The following PCDH9 variants were observed in gnomAD, a reference collection of about 807,000 sequenced individuals.
The protein encoded by PCDH9 is protocadherin 9, also known as protocadherin-9.
Under a neutral mutation model 70.6 loss-of-function variants are expected in PCDH9, and 24 were observed. The ratio of observed to expected loss-of-function variants is 0.34; its 90% CI spans 0.25 to 0.48. The LOEUF (loss-of-function observed/expected upper bound fraction) is 0.48, where lower values mean the gene tolerates loss of function less well. Ranked by LOEUF, PCDH9 falls within the 20% of genes least tolerant of loss-of-function variation. The pLI, the probability that PCDH9 is intolerant of heterozygous loss-of-function variation, is 0.99. For missense variants in PCDH9, 1,281 were observed against 1,503.6 expected (o/e 0.85, Z 2.45); for synonymous variants, 562 against 558.5 (o/e 1.01, Z -0.09).
intron 2 of PCDH9, among the ~76,000 whole-genome samples, chr13:66,905,622 A>T (rs989197246): frequency 6.6e-6 from 1 of 152,136 alleles, no homozygotes; most frequent in African/African-American, 2.4e-5. Flanking sequence ...CTTGCTCCAT[A>T]GAATTTTTTC....
chr13:66,372,821 A>G (rs1171822356), intron 4 of PCDH9, among the ~76,000 whole-genome samples: 2 of 151,900 alleles, frequency 1.3e-5, no homozygotes, highest in Non-Finnish European at 2.9e-5. Flanking sequence ...AAGCCAGAGA[A>G]CAGAGAATAT....
chr13:66,503,693 T>A (rs1314179154), intron 4 of PCDH9, among the ~76,000 whole-genome samples: 1 of 152,144 alleles, frequency 6.6e-6, no homozygotes, highest in East Asian at 1.9e-4. Flanking sequence ...CAAAAGATAA[T>A]ATAAGTGAAA....
chr13:67,227,917 C>T lies in PCDH9; in HGVS notation c.524G>A (p.Gly175Asp), dbSNP rs1374331217. The change falls in exon 2 of 5, where the codon GGT becomes GAT. Residue 175 changes from glycine to aspartate, a missense_variant. By Grantham distance (94) the Gly-to-Asp change is moderately conservative. Transcript: ENST00000377865. This position sits in a 1 kb window ranked among gnomAD's most constrained non-coding sequence, Gnocchi z 4.6. ...SATDPDTGFN[G>D]VQHYELLNGQ... Reference sequence around the variant, plus strand: ...ATTTAACAATTCATAATGCTGTACACCATTGAAGCCTGTGTCAGGATCTGT... The same window carrying T: ...ATTTAACAATTCATAATGCTGTACATCATTGAAGCCTGTGTCAGGATCTGT... The T allele has an allele frequency of 1.2e-6, 2 of 1,614,010 alleles. No homozygotes were observed. Among genetic ancestry groups the T allele is most frequent in the Admixed American group, 1.7e-5 (1 of 60,000 alleles).
chr13:66,316,113 T>A (rs577953080), intron 4 of PCDH9, among the ~76,000 whole-genome samples: 46 of 152,256 alleles, frequency 3.0e-4, no homozygotes, highest in Admixed American at 2.6e-3. Context: ...AAACACATCA[T>A]TCTAACCTCT....
chr13:66,353,228 A>AAACAT (rs1259332387), intron 4 of PCDH9, among the ~76,000 whole-genome samples: 7 of 152,288 alleles, frequency 4.6e-5, no homozygotes, highest in Non-Finnish European at 1.0e-4. Context: ...GGTCCTCAAA[A>AAACAT]AACATAATGA....
chr13:66,826,356 T>C (rs2080823640), intron 3 of PCDH9, among the ~76,000 whole-genome samples: 1 of 152,210 alleles, frequency 6.6e-6, no homozygotes, highest in African/African-American at 2.4e-5. Context: ...GTTGATACAT[T>C]ATAAAGGCCA....
chr13:66,339,982 C>A (rs894380351), intron 4 of PCDH9, among the ~76,000 whole-genome samples: 2 of 152,154 alleles, frequency 1.3e-5, no homozygotes, highest in Non-Finnish European at 2.9e-5. Flanking sequence ...TAGCAACTTA[C>A]TGACATGAAC....
chr13:66,733,809 A>G (rs1305493571), intron 3 of PCDH9, among the ~76,000 whole-genome samples: 1 of 152,070 alleles, frequency 6.6e-6, no homozygotes, highest in Admixed American at 6.6e-5. Context: ...TTGTATTCAT[A>G]TTCTTACTTT....
intron 3 of PCDH9, among the ~76,000 whole-genome samples, chr13:66,862,260 T>C (rs2081496745): frequency 6.6e-6 from 1 of 152,194 alleles, no homozygotes; most frequent in South Asian, 2.1e-4. Flanking sequence ...AGTGTTCTAT[T>C]AGCTCAAAAC....
intron 2 of PCDH9, among the ~76,000 whole-genome samples, chr13:67,120,697 G>A (rs1044966917): frequency 1.3e-5 from 2 of 151,950 alleles, no homozygotes; most frequent in Admixed American, 1.3e-4. Flanking sequence ...CAAAAATTAG[G>A]TTTTATTAAT....
intron 3 of PCDH9, among the ~76,000 whole-genome samples, chr13:66,835,799 G>A (rs548879866): frequency 6.6e-6 from 1 of 151,974 alleles, no homozygotes; most frequent in African/African-American, 2.4e-5. Context: ...CTTTTAATTT[G>A]ACTATCCTCT....
At chr13:66,605,377 G>T (rs2077210637) in intron 4 of PCDH9, among the ~76,000 whole-genome samples, 1 of 152,126 alleles carries the variant, frequency 6.6e-6, no homozygotes, top group African/African-American at 2.4e-5. Flanking sequence ...CTACTCATAT[G>T]TGTTTCCTAT....
chr13:66,496,974 T>C (rs1451650598), intron 4 of PCDH9, among the ~76,000 whole-genome samples: 1 of 152,226 alleles, frequency 6.6e-6, no homozygotes, highest in Non-Finnish European at 1.5e-5. Flanking sequence ...TTATGTATTA[T>C]CTTTTATTTT....
At chr13:67,184,717 T>G (rs938651920) in intron 2 of PCDH9, among the ~76,000 whole-genome samples, 2 of 152,060 alleles carry the variant, frequency 1.3e-5, no homozygotes, top group Admixed American at 1.3e-4. Context: ...GGTGAAAAAG[T>G]GAGACCCTGT....
At chr13:66,566,098 A>T (rs2076648488) in intron 4 of PCDH9, among the ~76,000 whole-genome samples, 1 of 152,196 alleles carries the variant, frequency 6.6e-6, no homozygotes, top group Non-Finnish European at 1.5e-5. Context: ...CCTGAGAGAT[A>T]TTCAAGGTGG....
Position 66,903,597 on chromosome 13 carries a change from T to C in PCDH9, c.3045A>G (p.Ser1015=), listed in dbSNP as rs144046330. Residue 1015 remains serine (S), a synonymous_variant, in exon 3 of 5, where the codon TCA becomes TCG. Coordinates refer to ENST00000377865, the MANE Select transcript of PCDH9 (RefSeq NM_203487.3). The part of the protein sequence containing the change: ...KGPLHTRQCN[S]HSKSDNIPVT... ...CAGGAATATTGTCACTTTTGCTGTG[T>C]GAGTTACACTGAAAGAGATTACCAA... 25 of 1,420,202 alleles carry C rather than the reference T, an allele frequency of 1.8e-5. 1 individual carries two copies. The African/African-American group carries it at 2.6e-4, about 14-fold the overall frequency. 88.0% of individuals were successfully genotyped at this position (1,420,202 alleles called of 1,614,324 possible).
intron 2 of PCDH9, among the ~76,000 whole-genome samples, chr13:67,003,033 G>T (rs2181755): frequency 0.99 from 150,842 of 152,080 alleles, 74,820 homozygotes; most frequent in East Asian, 1. Context: ...TAGAGATGAT[G>T]TTAATGGAGC....
At chr13:67,176,513 A>T (rs572334501) in intron 2 of PCDH9, among the ~76,000 whole-genome samples, 196 of 147,186 alleles carry the variant, frequency 1.3e-3, no homozygotes, top group African/African-American at 4.7e-3. Flanking sequence ...GTTTTCAAAA[A>T]TAAAAATAAA....
At chr13:66,693,703 T>G (rs2078519666) in intron 3 of PCDH9, among the ~76,000 whole-genome samples, 1 of 152,214 alleles carries the variant, frequency 6.6e-6, no homozygotes, top group Admixed American at 6.5e-5. Flanking sequence ...GGCCAAATTA[T>G]ATCTTCCTTA....
Sources: gnomAD v4.1 joint callset for allele counts (sites outside exome capture counted in the v4.1 genomes callset) on GRCh38, gnomAD v4.1.1 for gene constraint, Gnocchi (gnomAD v3.1) non-coding constraint, MANE v1.5 for transcripts, NCBI Gene and HGNC (gene_info 2026-07-23, HGNC 2026-07-21) for gene names.